The following NBPF3 variants were observed in gnomAD, a reference collection of about 807,000 sequenced individuals.
NBPF3 encodes NBPF member 3.
Under a neutral mutation model 78.1 loss-of-function variants are expected in NBPF3, and 57 were observed. That is an observed-to-expected ratio of 0.73 (90% CI 0.59 to 0.91). The LOEUF (loss-of-function observed/expected upper bound fraction) is 0.91, where lower values mean the gene tolerates loss of function less well. NBPF3 is among the 40% of genes least tolerant of loss of function. The probability of loss-of-function intolerance (pLI) is 0.00; values close to 1 mark genes in which losing one functional copy is unlikely to be tolerated. For missense variants in NBPF3, 510 were observed against 715.3 expected, an observed-to-expected ratio of 0.71 and a Z score of 3.27; for synonymous variants, 182 against 271.7, an observed-to-expected ratio of 0.67 and a Z score of 3.25.
At chr1:21,447,277 C>A (rs1321190630) in intron 2 of NBPF3, among the ~76,000 whole-genome samples, 1 of 152,146 alleles carries the variant, frequency 6.6e-6, no homozygotes, top group East Asian at 1.9e-4. Context: ...CCCCTAAAGT[C>A]CATAGTTTAC....
At chr1:21,466,943 A>G (rs575743939) in intron 2 of NBPF3, 2 of 960,724 alleles carry the variant, frequency 2.1e-6, no homozygotes, top group Admixed American at 6.1e-5. Context: ...ACTGAATTAT[A>G]TGGATCCTAT....
At position 21,460,296 on chromosome 1, in the gene NBPF3, C is replaced by A. The variant is rs140594582; in HGVS notation, c.134-8392C>A. The stretch of plus-strand genomic sequence containing the variant: ...CGTGCAGGTTTGTTACATAGGTGTA[C>A]ATGTGCCATGTTGGTTTGCTGCACC... On this transcript the variant is annotated intron_variant, in intron 2 of 14. Coordinates refer to ENST00000318249, the MANE Select transcript of NBPF3 (RefSeq NM_032264.6). This position sits in a 1 kb window ranked among gnomAD's most constrained non-coding sequence, Gnocchi z 4.2. 0.012 allele frequency among the ~76,000 whole-genome samples: 1,770 copies of A among 152,262 alleles called. 50 individuals are homozygous for A. Among genetic ancestry groups the A allele is most frequent in the African/African-American group, 0.04 (1,676 of 41,554 alleles).
intron 2 of NBPF3, among the ~76,000 whole-genome samples, chr1:21,446,699 T>C (rs1371507837): frequency 2.6e-5 from 4 of 151,916 alleles, no homozygotes; most frequent in African/African-American, 7.3e-5. Flanking sequence ...ACCTACATTA[T>C]TTACCAAAAT....
intron 2 of NBPF3, among the ~76,000 whole-genome samples, chr1:21,450,510 G>A (rs1641249133): frequency 6.6e-6 from 1 of 152,132 alleles, no homozygotes; most frequent in South Asian, 2.1e-4. Context: ...CAGGAATGCT[G>A]TCTCATCACC....
At chr1:21,442,278 A>G (rs1336861512) in intron 1 of NBPF3, 1 of 152,030 alleles carries the variant, frequency 6.6e-6, no homozygotes, top group Non-Finnish European at 1.5e-5. Context: ...GCAGTGGCAC[A>G]ATCACAGCTC....
Position 21,479,343 on chromosome 1 carries a change from T to C in NBPF3, c.1157-6T>C. On this transcript the variant is annotated splice_region_variant and splice_polypyrimidine_tract_variant and intron_variant, in intron 9 of 14. Coordinates refer to ENST00000318249, the MANE Select transcript of NBPF3 (RefSeq NM_032264.6). ...TGTAAGAGGCCCTGTCTGAATTTAT[T>C]TGCAGGACATTGGTGTGATCAAGTG... 4 of 1,610,650 alleles carry C rather than the reference T, an allele frequency of 2.5e-6. No homozygotes were observed. The highest frequency in any genetic ancestry group is 3.4e-6 in the Non-Finnish European group (4 of 1,177,904).
At chr1:21,470,024 A>T (rs1297595957) in intron 3 of NBPF3, among the ~76,000 whole-genome samples, 2 of 151,946 alleles carry the variant, frequency 1.3e-5, no homozygotes, top group Non-Finnish European at 2.9e-5. Flanking sequence ...CAGAGTTAAC[A>T]CTCTGTTAGT....
Position 21,471,688 on chromosome 1 carries a change from C to T in NBPF3, c.566C>T (p.Pro189Leu), listed in dbSNP as rs368149224. 12 of 1,613,492 alleles carry T rather than the reference C, an allele frequency of 7.4e-6. No homozygotes were observed. Among genetic ancestry groups the T allele is most frequent in the Admixed American group, 6.7e-5 (4 of 60,016 alleles). Residue 189 changes from proline to leucine, a missense_variant, in exon 5 of 15, where the codon CCG becomes CTG. By Grantham distance (98) the Pro-to-Leu change is moderately conservative. Coordinates refer to ENST00000318249, the MANE Select transcript of NBPF3 (RefSeq NM_032264.6). Reference protein sequence around the residue: ...LNQHLQALLTPDEPDNSQGRD... With the variant: ...LNQHLQALLTLDEPDNSQGRD... The stretch of plus-strand genomic sequence containing the variant: ...CAGCATCTCCAGGCCCTCCTCACTC[C>T]GGATGAGCCGGACAACTCCCAGGGA...
intron 2 of NBPF3, among the ~76,000 whole-genome samples, chr1:21,464,724 A>T (rs1482706316): frequency 6.6e-6 from 1 of 151,888 alleles, no homozygotes; most frequent in Non-Finnish European, 1.5e-5. Context: ...AAAGCATTTC[A>T]GGGCCAGGTT....
At chr1:21,466,091 C>G in intron 2 of NBPF3, 1 of 985,530 alleles carries the variant, frequency 1.0e-6, no homozygotes, top group Non-Finnish European at 1.2e-6. Context: ...TTTCAGGGAG[C>G]CTTGGGAGGA....
At chr1:21,450,932 A>G (rs1641272312) in intron 2 of NBPF3, among the ~76,000 whole-genome samples, 1 of 152,242 alleles carries the variant, frequency 6.6e-6, no homozygotes, top group Non-Finnish European at 1.5e-5. Flanking sequence ...TAAAGAAGTC[A>G]ATGACCCAAA....
rs1285714220 is a variant in NBPF3 at position 21,470,746 on chromosome 1, C to T, written c.446+12C>T. The T allele has an allele frequency of 1.3e-6, 2 of 1,582,634 alleles. No homozygotes were observed. The highest frequency in any genetic ancestry group is 3.4e-5 in the Admixed American group (2 of 59,204). On this transcript the variant is annotated intron_variant, in intron 4 of 14. Coordinates refer to ENST00000318249, the MANE Select transcript of NBPF3 (RefSeq NM_032264.6). Reference sequence around the variant, plus strand: ...GCTGAGGAGCTCAGGTGAGTGGGCCCCCTGGGGTCAGGCAGGTGGGCAGGT... The same window carrying T: ...GCTGAGGAGCTCAGGTGAGTGGGCCTCCTGGGGTCAGGCAGGTGGGCAGGT...
chr1:21,453,189 T>A (rs1175607448), intron 2 of NBPF3, among the ~76,000 whole-genome samples: 4 of 152,168 alleles, frequency 2.6e-5, no homozygotes, highest in African/African-American at 4.8e-5. Context: ...GGTTTAGCAA[T>A]GGAGGGCACC....
At chr1:21,480,604 T>A (rs1330841871) in intron 11 of NBPF3, among the ~76,000 whole-genome samples, 1 of 152,308 alleles carries the variant, frequency 6.6e-6, no homozygotes, top group Non-Finnish European at 1.5e-5. Context: ...CAGGGCTGAA[T>A]ACTGCAGTTT....
chr1:21,473,243 C>A (rs1217024925), intron 6 of NBPF3, 137 bp from the exon 7 acceptor site: 3 of 1,086,022 alleles, frequency 2.8e-6, no homozygotes, highest in Non-Finnish European at 2.8e-6. Flanking sequence ...ATTGCCTGTT[C>A]CCTCTTAAAG....
At chr1:21,458,781 G>C (rs1030030204) in intron 2 of NBPF3, among the ~76,000 whole-genome samples, 3 of 152,198 alleles carry the variant, frequency 2.0e-5, no homozygotes, top group African/African-American at 7.2e-5. Context: ...CTGCAAAGGG[G>C]TACAAGAAAC....
intron 5 of NBPF3, among the ~76,000 whole-genome samples, chr1:21,472,474 G>A (rs1642654168): frequency 6.6e-6 from 1 of 152,202 alleles, no homozygotes; most frequent in Admixed American, 6.5e-5. Context: ...CCTCTCCTAA[G>A]AGAAAGAATT....
At chr1:21,468,167 G>A (rs1642381166) in intron 2 of NBPF3, 1 of 165,508 alleles carries the variant, frequency 6.0e-6, no homozygotes, top group African/African-American at 2.4e-5. Context: ...AATATAACCT[G>A]TTGGGAAACT....
intron 1 of NBPF3, among the ~76,000 whole-genome samples, chr1:21,441,979 G>A (rs747648098): frequency 6.6e-6 from 1 of 152,162 alleles, no homozygotes; most frequent in African/African-American, 2.4e-5. Context: ...TAATATATCA[G>A]TGTGGTTTCA....
Sources: allele counts gnomAD v4.1 joint callset (sites outside exome capture counted in the v4.1 genomes callset), GRCh38; gene constraint gnomAD v4.1.1; non-coding constraint Gnocchi (gnomAD v3.1); transcripts MANE v1.5; gene names NCBI Gene and HGNC (gene_info 2026-07-23, HGNC 2026-07-21).